The following SLC25A13 variants were observed in gnomAD, a reference collection of about 807,000 sequenced individuals.
SLC25A13 encodes the protein electrogenic aspartate/glutamate antiporter SLC25A13, mitochondrial.
SLC25A13 carries 70 observed loss-of-function variants against 85.5 expected under a neutral mutation model. That is an observed-to-expected ratio of 0.82 (90% CI 0.68 to 1.00). The LOEUF is 1.00. SLC25A13 is among the 50% of genes least tolerant of loss of function. The probability of loss-of-function intolerance (pLI) is 0.00; values close to 1 mark genes in which losing one functional copy is unlikely to be tolerated. For missense variants in SLC25A13, 765 were observed against 819.8 expected (o/e 0.93, Z 0.82); for synonymous variants, 259 against 288.7 (o/e 0.90, Z 1.04).
chr7:96,250,202 A>AG (rs1483861855), intron 3 of SLC25A13, among the ~76,000 whole-genome samples: 2 of 152,118 alleles, frequency 1.3e-5, no homozygotes, highest in East Asian at 3.9e-4. Context: ...AAGAAAAAAA[A>AG]CTCTAGAAGA....
intron 14 of SLC25A13, among the ~76,000 whole-genome samples, chr7:96,142,521 G>A (rs2116468547): frequency 6.6e-6 from 1 of 152,082 alleles, no homozygotes; most frequent in Non-Finnish European, 1.5e-5. Flanking sequence ...GGTAACCTAG[G>A]GTGATTCTAT....
At chr7:96,131,074 TA>T (rs1317316653) in intron 15 of SLC25A13, among the ~76,000 whole-genome samples, 1 of 152,168 alleles carries the variant, frequency 6.6e-6, no homozygotes, top group Non-Finnish European at 1.5e-5. Flanking sequence ...GTTAACTTAT[TA>T]AATGTCACCA....
At chr7:96,175,983 G>C (rs988264023) in intron 11 of SLC25A13, among the ~76,000 whole-genome samples, 3 of 152,272 alleles carry the variant, frequency 2.0e-5, no homozygotes, top group African/African-American at 7.2e-5. Flanking sequence ...GGAAAATGAA[G>C]GTGACTGGAT....
At chr7:96,251,583 G>T (rs1034769809) in intron 3 of SLC25A13, among the ~76,000 whole-genome samples, 19 of 152,144 alleles carry the variant, frequency 1.2e-4, no homozygotes, top group African/African-American at 4.6e-4. Context: ...ACATCATTGG[G>T]TGTTGAATCA....
At chr7:96,289,528 G>T (rs1397017865) in intron 2 of SLC25A13, among the ~76,000 whole-genome samples, 1 of 152,124 alleles carries the variant, frequency 6.6e-6, no homozygotes, top group African/African-American at 2.4e-5. Context: ...TTGGACGAAA[G>T]GCTAACTAAA....
At chr7:96,155,517 A>G (rs921518737) in intron 13 of SLC25A13, among the ~76,000 whole-genome samples, 1 of 151,772 alleles carries the variant, frequency 6.6e-6, no homozygotes, top group African/African-American at 2.4e-5. Context: ...TGCACTGATT[A>G]TTTCCAGTCA....
At chr7:96,277,136 A>T in intron 3 of SLC25A13, 60 bp downstream of exon 3, 1 of 1,500,596 alleles carries the variant, frequency 6.7e-7, no homozygotes, top group East Asian at 2.5e-5. Flanking sequence ...TGGTCATTAG[A>T]GCAAAAGAAA....
intron 13 of SLC25A13, among the ~76,000 whole-genome samples, chr7:96,153,255 A>T (rs1423780337): frequency 2.0e-5 from 3 of 152,242 alleles, no homozygotes; most frequent in African/African-American, 7.2e-5. Flanking sequence ...ACAGAATCGA[A>T]TTTGGCACAA....
intron 3 of SLC25A13, among the ~76,000 whole-genome samples, chr7:96,269,363 C>T (rs1319877691): frequency 6.6e-6 from 1 of 152,176 alleles, no homozygotes; most frequent in African/African-American, 2.4e-5. Flanking sequence ...AAATTCCCTG[C>T]CCAGAGTTCC....
intron 13 of SLC25A13, among the ~76,000 whole-genome samples, chr7:96,162,428 C>T (rs892372622): frequency 6.6e-6 from 1 of 151,984 alleles, no homozygotes; most frequent in African/African-American, 2.4e-5. Context: ...TTTGAAGACA[C>T]TTACAGGTAG....
At chr7:96,205,286 G>T (rs1280376397) in intron 5 of SLC25A13, among the ~76,000 whole-genome samples, 3 of 152,166 alleles carry the variant, frequency 2.0e-5, no homozygotes, top group African/African-American at 7.2e-5. Context: ...AAAATACAAA[G>T]AATATTAAAA....
intron 15 of SLC25A13, among the ~76,000 whole-genome samples, chr7:96,122,819 A>G (rs1373978267): frequency 6.6e-6 from 1 of 152,214 alleles, no homozygotes; most frequent in East Asian, 1.9e-4. Flanking sequence ...TAGATTTTTT[A>G]AAAGCGAGAC....
intron 12 of SLC25A13, 125 bp downstream of exon 12, chr7:96,171,347 C>T (rs1793990535): frequency 4.9e-6 from 4 of 818,056 alleles, no homozygotes; most frequent in South Asian, 1.5e-5. Flanking sequence ...GTGGTGAGTT[C>T]CCCTGCTTTC....
At chr7:96,172,568 A>C (rs1794048172) in intron 11 of SLC25A13, among the ~76,000 whole-genome samples, 2 of 151,908 alleles carry the variant, frequency 1.3e-5, no homozygotes. Flanking sequence ...AAAAAAAAAA[A>C]AGATCAATGA....
chr7:96,138,895 C>T (rs945454002), intron 14 of SLC25A13, among the ~76,000 whole-genome samples: 1 of 152,052 alleles, frequency 6.6e-6, no homozygotes, highest in African/African-American at 2.4e-5. Flanking sequence ...TTTTTCAAGC[C>T]ATCTCCTTTT....
chr7:96,141,418 G>A (rs555282407), intron 14 of SLC25A13, among the ~76,000 whole-genome samples: 1 of 152,298 alleles, frequency 6.6e-6, no homozygotes, highest in Admixed American at 6.5e-5. Flanking sequence ...CTGGAACAGT[G>A]CCTGGCACAC....
intron 2 of SLC25A13, among the ~76,000 whole-genome samples, chr7:96,294,129 A>T (rs1347895028): frequency 2.0e-5 from 3 of 152,212 alleles, no homozygotes; most frequent in Non-Finnish European, 4.4e-5. Context: ...TATCCTTTGC[A>T]GGGACATGGA....
At chr7:96,318,928 G>A (rs913632028) in intron 1 of SLC25A13, among the ~76,000 whole-genome samples, 2 of 152,264 alleles carry the variant, frequency 1.3e-5, no homozygotes, top group East Asian at 1.9e-4. Context: ...ACTTTTAAGA[G>A]GGAATGCCAA....
intron 5 of SLC25A13, among the ~76,000 whole-genome samples, chr7:96,197,039 A>T (rs189694205): frequency 6.6e-6 from 1 of 152,340 alleles, no homozygotes; most frequent in Non-Finnish European, 1.5e-5. Context: ...TGAGCAAACT[A>T]AAGTCTCACT....
Sources: allele counts gnomAD v4.1 joint callset (sites outside exome capture counted in the v4.1 genomes callset), GRCh38; gene constraint gnomAD v4.1.1; transcripts MANE v1.5; gene names NCBI Gene and HGNC (gene_info 2026-07-23, HGNC 2026-07-21).